F12: variants seen among roughly 807,000 people sequenced by gnomAD.
F12 encodes the protein coagulation factor XII.
In F12, 70 loss-of-function variants were observed where a neutral mutation model predicts 74.8. That is an observed-to-expected ratio of 0.94 (90% CI 0.77 to 1.14). F12 has a LOEUF of 1.14. F12 is among the 50% of genes most tolerant of loss of function. The probability of loss-of-function intolerance (pLI) is 0.00; values close to 1 mark genes in which losing one functional copy is unlikely to be tolerated. For synonymous variants in F12, 373 were observed against 356.4 expected (o/e 1.05, Z -0.52); for missense variants, 811 against 835.7 (o/e 0.97, Z 0.36).
Position 177,403,954 on chromosome 5 carries a change from G to A in F12, c.1155C>T (p.Pro385=), listed in dbSNP as rs1308476997. 6.2e-7 allele frequency: 1 copy of A among 1,601,890 alleles called. No homozygotes were observed. The highest frequency in any genetic ancestry group is 1.7e-5 in the Admixed American group (1 of 59,600). ...GGCCCCAGTACAGCGCGGCGATGTA[G>A]GGGTGCGCCCCGCGTAGCGCCACCA... is the stretch of plus-strand genomic sequence containing the variant. ...GGLVALRGAH[P]YIAALYWGHS... is the part of the protein sequence containing the mutation. The change falls in exon 10 of 14, where the codon CCC becomes CCT. Residue 385 remains proline (P), a synonymous_variant. Coordinates refer to ENST00000253496, the MANE Select transcript of F12 (RefSeq NM_000505.4).
intron 1 of F12, 91 bp downstream of exon 1, chr5:177,409,380 C>T: frequency 6.8e-7 from 1 of 1,467,870 alleles, no homozygotes; most frequent in Admixed American, 1.8e-5. Flanking sequence ...TCACCTGGAC[C>T]CACAGGTCAT....
chr5:177,405,447 A>G lies in F12; in HGVS notation c.287-14T>C, dbSNP rs752555309. On this transcript the variant is annotated splice_polypyrimidine_tract_variant and intron_variant, in intron 4 of 13. Coordinates refer to ENST00000253496, the MANE Select transcript of F12 (RefSeq NM_000505.4). ...TGCTGCAGTGGTCTGAGAGATGGAC[A>G]TGGTGGAAGGAAGAGCAGGGAGCTG... 31 of 1,609,728 alleles carry G rather than the reference A, an allele frequency of 1.9e-5. No homozygotes were observed. The highest frequency in any genetic ancestry group is 2.2e-5 in the East Asian group (1 of 44,834).
chr5:177,404,265 G>A lies in F12; in HGVS notation c.949C>T (p.Pro317Ser). 6.3e-7 allele frequency: 1 copy of A among 1,596,108 alleles called. No individual in the cohort carries two copies. ...VSPRLHVPLM[P>S]AQPAPPKPQP... The stretch of plus-strand genomic sequence containing the variant: ...GGCTTCGGCGGTGCCGGCTGCGCGG[G>A]CATGAGTGGGACATGAAGCCTAGGG... Residue 317 changes from proline to serine, a missense_variant, in exon 9 of 14, where the codon CCC becomes TCC. By Grantham distance (74) the Pro-to-Ser change is moderately conservative. Coordinates refer to ENST00000253496, the MANE Select transcript of F12 (RefSeq NM_000505.4).
At chr5:177,404,741 C>T (rs1209081732) in intron 7 of F12, 69 bp downstream of exon 7, 1 of 1,593,250 alleles carries the variant, frequency 6.3e-7, no homozygotes, top group Non-Finnish European at 8.5e-7. Flanking sequence ...CCGCACTCTC[C>T]CTCCTCCTTC....
At chr5:177,403,824 G>T in intron 10 of F12, 35 bp downstream of exon 10, 1 of 1,478,458 alleles carries the variant, frequency 6.8e-7, no homozygotes. Context: ...AGGAGCCGCG[G>T]CCCCTGGGGC....
At chr5:177,407,494 G>T (rs996122045) in intron 2 of F12, among the ~76,000 whole-genome samples, 2 of 152,118 alleles carry the variant, frequency 1.3e-5, no homozygotes, top group Non-Finnish European at 2.9e-5. Context: ...CCTTTAAGAT[G>T]CAAATGGGGG....
intron 4 of F12, 137 bp from the exon 5 acceptor site, chr5:177,405,570 G>T: frequency 8.4e-7 from 1 of 1,186,618 alleles, no homozygotes; most frequent in Non-Finnish European, 1.2e-6. Context: ...CTGCAAAATG[G>T]GACCACTCCT....
rs771271683 is a variant in F12, at chr5:177,403,333, C to T, written c.1452G>A (p.Pro484=). The part of the protein sequence containing the change: ...SCALLSPYVQ[P]VCLPSGAARP... ...GCGCGGCGCCGCTTGGCAGGCACACCGGCTGAACGTAAGGCGACAGGAGCG... is the reference window on the plus strand; with the variant it reads ...GCGCGGCGCCGCTTGGCAGGCACACTGGCTGAACGTAAGGCGACAGGAGCG... The change falls in exon 12 of 14, where the codon CCG becomes CCA. Residue 484 remains proline, a synonymous_variant. Transcript: ENST00000253496. The T allele has an allele frequency of 2.5e-6, 4 of 1,599,424 alleles. No homozygotes were observed. The highest frequency in any genetic ancestry group is 3.4e-6 in the Non-Finnish European group (4 of 1,179,774).
chr5:177,404,767 C>T (rs552625525), intron 7 of F12, 43 bp downstream of exon 7: 5 of 1,589,152 alleles, frequency 3.1e-6, no homozygotes, highest in East Asian at 2.3e-5. Flanking sequence ...AAGCCCGTCC[C>T]ACCTGGGGGC....
chr5:177,402,256 G>T lies in F12; in HGVS notation c.*36C>A. Reference sequence around the variant, plus strand: ...ATGCCCCAGCCACTCTCTCACTGCGGAATCACCAAGGAGGGAAAGATGAGT... The same window carrying T: ...ATGCCCCAGCCACTCTCTCACTGCGTAATCACCAAGGAGGGAAAGATGAGT... On this transcript the variant is annotated 3_prime_UTR_variant, in exon 14 of 14. Coordinates refer to ENST00000253496, the MANE Select transcript of F12 (RefSeq NM_000505.4). 6.2e-7 allele frequency: 1 copy of T among 1,611,368 alleles called. No individual in the cohort carries two copies. The highest frequency in any genetic ancestry group is 8.5e-7 in the Non-Finnish European group (1 of 1,179,084).
intron 12 of F12, 29 bp from the exon 13 acceptor site, chr5:177,402,727 C>T: frequency 6.2e-7 from 1 of 1,610,036 alleles, no homozygotes; most frequent in Non-Finnish European, 8.5e-7. Flanking sequence ...TTCTTCACAC[C>T]CCATCTGACA....
chr5:177,403,235 C>T lies in F12; in HGVS notation c.1531+19G>A, dbSNP rs1253470821. The stretch of plus-strand genomic sequence containing the variant: ...CAAAGGTCTCCTCCCCTACCCCTGC[C>T]CCTAGCAGTTGTGCCTACCCTCGAA... On this transcript the variant is annotated intron_variant, in intron 12 of 13. Transcript: ENST00000253496. The T allele has an allele frequency of 1.2e-6, 2 of 1,600,210 alleles. No individual in the cohort carries two copies. The highest frequency in any genetic ancestry group is 1.3e-5 in the African/African-American group (1 of 74,936).
At chr5:177,409,450 C>T (rs763287436) in intron 1 of F12, 21 bp downstream of exon 1, 2 of 1,613,596 alleles carry the variant, frequency 1.2e-6, no homozygotes, top group African/African-American at 1.3e-5. Flanking sequence ...CTGGGACAAT[C>T]CTGGTTCCCA....
Position 177,402,676 on chromosome 5 carries a change from G to A in F12, c.1554C>T (p.Phe518=), listed in dbSNP as rs1413123619. The A allele has an allele frequency of 6.2e-7, 1 of 1,612,236 alleles. No homozygotes were observed. Among genetic ancestry groups the A allele is most frequent in the East Asian group, 2.2e-5 (1 of 44,880 alleles). Reference sequence around the variant, plus strand: ...GGAACGGTACCTGCGCCTCCTGCAGGAAGCTGGCATATTCCTCCGCCCCTG... The same window carrying A: ...GGAACGGTACCTGCGCCTCCTGCAGAAAGCTGGCATATTCCTCCGCCCCTG... ...QFEGAEEYAS[F]LQEAQVPFLS... The change falls in exon 13 of 14, where the codon TTC becomes TTT. Residue 518 remains phenylalanine (F), a synonymous_variant. Coordinates refer to ENST00000253496, the MANE Select transcript of F12 (RefSeq NM_000505.4).
rs1244622231 is a variant in F12 at position 177,403,237 on chromosome 5, CT to C, written c.1531+16del. ...AAGGTCTCCTCCCCTACCCCTGCCC[CT>C]AGCAGTTGTGCCTACCCTCGAACTG... On this transcript the variant is annotated intron_variant, in intron 12 of 13. Coordinates refer to ENST00000253496, the MANE Select transcript of F12 (RefSeq NM_000505.4). The C allele has an allele frequency of 6.2e-7, 1 of 1,600,252 alleles. No homozygotes were observed. The highest frequency in any genetic ancestry group is 1.3e-5 in the African/African-American group (1 of 74,928).
Position 177,403,270 on chromosome 5 carries a change from C to G in F12, c.1515G>C (p.Trp505Cys), listed in dbSNP as rs1763186543. 3 of 1,600,596 alleles carry G rather than the reference C, an allele frequency of 1.9e-6. No individual in the cohort carries two copies. In the East Asian group the frequency reaches 6.7e-5, roughly 36 times the overall value. Reference sequence around the variant, plus strand: ...TGTGCCTACCCTCGAACTGGTGGCCCCAGCCGGCCACCTGGCAGAGCGTGG... The same window carrying G: ...TGTGCCTACCCTCGAACTGGTGGCCGCAGCCGGCCACCTGGCAGAGCGTGG... ...SETTLCQVAG[W>C]GHQFEGAEEY... Residue 505 changes from tryptophan to cysteine, a missense_variant, in exon 12 of 14, where the codon TGG becomes TGC. Physicochemically the swap from Trp to Cys is radical, Grantham distance 215. Coordinates refer to ENST00000253496, the MANE Select transcript of F12 (RefSeq NM_000505.4).
Position 177,405,771 on chromosome 5 carries a change from G to A in F12, c.250C>T (p.Arg84Ter), listed in dbSNP as rs1763275551. 8 of 1,614,156 alleles carry A rather than the reference G, an allele frequency of 5.0e-6. No individual in the cohort carries two copies. The South Asian group carries it at 5.5e-5, about 11-fold the overall frequency. The part of the protein sequence containing the change: ...ATTPNFDQDQ[R>*]WGYCLEPKKV... Reference sequence around the variant, plus strand: ...TTGGGCTCCAAACAGTATCCCCATCGCTGGTCCTGATCAAAGTTGGGGGTG... The same window carrying A: ...TTGGGCTCCAAACAGTATCCCCATCACTGGTCCTGATCAAAGTTGGGGGTG... Residue 84 changes from arginine to a stop codon, truncating the protein, a stop_gained, in exon 4 of 14, where the codon CGA becomes TGA. Transcript: ENST00000253496. LOFTEE classifies it high-confidence loss of function.
Position 177,403,571 on chromosome 5 carries a change from TACGGCGTTCCTGGCCGAGCACC to T in F12, c.1275_1296del (p.Val426ThrfsTer231). The T allele has an allele frequency of 1.2e-6, 2 of 1,605,122 alleles. No homozygotes were observed. The highest frequency in any genetic ancestry group is 1.7e-6 in the Non-Finnish European group (2 of 1,178,554). On this transcript the variant is annotated frameshift_variant, in exon 11 of 14. Transcript: ENST00000253496. LOFTEE classifies it high-confidence loss of function. ...GTCTGGCACGGCTCACAGCTGTGGTTACGGCGTTCCTGGCCGAGCACCACCGTCAGATCCTCGGGTGCGGGCC... is the reference window on the plus strand; with the variant it reads ...GTCTGGCACGGCTCACAGCTGTGGTTACCGTCAGATCCTCGGGTGCGGGCC...
intron 6 of F12, 29 bp downstream of exon 6, chr5:177,405,025 C>A: frequency 6.2e-7 from 1 of 1,608,538 alleles, no homozygotes; most frequent in Non-Finnish European, 8.5e-7. Flanking sequence ...TGACGCTCCT[C>A]CCTGGCCCGT....
Sources: gnomAD v4.1 joint callset for allele counts (sites outside exome capture counted in the v4.1 genomes callset) on GRCh38, gnomAD v4.1.1 for gene constraint, MANE v1.5 for transcripts, NCBI Gene and HGNC (gene_info 2026-07-23, HGNC 2026-07-21) for gene names.